The following ARFGEF1 variants were observed in gnomAD, a reference collection of about 807,000 sequenced individuals.
ARFGEF1 encodes brefeldin A-inhibited guanine nucleotide-exchange protein 1.
ARFGEF1 carries 42 observed loss-of-function variants against 231.0 expected under a neutral mutation model. The observed-to-expected ratio is 0.18, with a 90% CI of 0.14 to 0.24. ARFGEF1 has a LOEUF of 0.24. Ranked by LOEUF, ARFGEF1 falls within the 10% of genes least tolerant of loss-of-function variation. The probability of loss-of-function intolerance (pLI) is 1.00; values close to 1 mark genes in which losing one functional copy is unlikely to be tolerated. For missense variants in ARFGEF1, 1,345 were observed against 2,192.0 expected, an observed-to-expected ratio of 0.61 and a Z score of 7.72; for synonymous variants, 710 against 732.3, an observed-to-expected ratio of 0.97 and a Z score of 0.49.
At chr8:67,294,087 T>C (rs2128910918) in intron 5 of ARFGEF1, among the ~76,000 whole-genome samples, 1 of 152,290 alleles carries the variant, frequency 6.6e-6, no homozygotes, top group South Asian at 2.1e-4. Flanking sequence ...TTTTGGTCGT[T>C]ATTCCCTAAA....
chr8:67,226,673 C>T (rs1839384782), intron 27 of ARFGEF1, among the ~76,000 whole-genome samples: 1 of 152,032 alleles, frequency 6.6e-6, no homozygotes, highest in Admixed American at 6.6e-5. Flanking sequence ...ATAGGCTTAA[C>T]TTATAATCTT....
intron 37 of ARFGEF1, 71 bp downstream of exon 37, chr8:67,201,396 G>C: frequency 6.5e-7 from 1 of 1,528,160 alleles, no homozygotes; most frequent in Non-Finnish European, 8.8e-7. Context: ...GCATGGTCCC[G>C]CCGGTGCCTC....
chr8:67,285,405 T>C (rs1207635626), intron 7 of ARFGEF1, among the ~76,000 whole-genome samples: 2 of 152,082 alleles, frequency 1.3e-5, no homozygotes, highest in East Asian at 1.9e-4. Flanking sequence ...TAGACTCAGA[T>C]ACTCAGGAGA....
chr8:67,267,827 C>T (rs759694271), intron 10 of ARFGEF1, among the ~76,000 whole-genome samples: 5 of 152,074 alleles, frequency 3.3e-5, no homozygotes, highest in South Asian at 4.1e-4. Flanking sequence ...TTTTCAGAGA[C>T]GTTCTAGTAC....
At chr8:67,226,266 T>G in intron 27 of ARFGEF1, 83 bp from the exon 28 acceptor site, 1 of 1,207,092 alleles carries the variant, frequency 8.3e-7, no homozygotes, top group Non-Finnish European at 1.1e-6. Flanking sequence ...CTAGATGTAA[T>G]GCACTTCCTC....
chr8:67,267,127 T>C lies in ARFGEF1; in HGVS notation c.1776A>G (p.Gly592=). The change falls in exon 12 of 39, where the codon GGA becomes GGG. Residue 592 remains glycine (G), a synonymous_variant. Transcript: ENST00000262215. The stretch of plus-strand genomic sequence containing the variant: ...TCATACCAAGTTCTTGACTGCCCCT[T>C]CCTTGAGCAATTTTTGATAGATCAT... ...LVNDLSKIAQ[G]RGSQELGMSN... 6.2e-7 allele frequency: 1 copy of C among 1,613,300 alleles called. No homozygotes were observed. The highest frequency in any genetic ancestry group is 8.5e-7 in the Non-Finnish European group (1 of 1,179,742).
intron 8 of ARFGEF1, 63 bp from the exon 9 acceptor site, chr8:67,276,172 C>T (rs1805304318): frequency 3.8e-6 from 6 of 1,561,048 alleles, no homozygotes; most frequent in Non-Finnish European, 5.3e-6. Context: ...TCGCTTCAGC[C>T]TTCTACTGTA....
intron 1 of ARFGEF1, among the ~76,000 whole-genome samples, chr8:67,321,822 G>C (rs1188798260): frequency 2.0e-5 from 3 of 152,050 alleles, no homozygotes; most frequent in African/African-American, 4.8e-5. Flanking sequence ...TTTAACTTTA[G>C]GTCAGGGCTT....
chr8:67,209,318 A>G (rs1838637999), intron 34 of ARFGEF1, among the ~76,000 whole-genome samples: 1 of 152,256 alleles, frequency 6.6e-6, no homozygotes, highest in Admixed American at 6.5e-5. Flanking sequence ...GTGAGAGAAG[A>G]CAGACACAAA....
intron 22 of ARFGEF1, among the ~76,000 whole-genome samples, chr8:67,236,365 A>AAAAAATAT (rs1554638966): frequency 6.9e-5 from 2 of 29,062 alleles, no homozygotes; most frequent in Non-Finnish European, 1.2e-4. Context: ...AAAAAAAAAA[A>AAAAAATAT]ATATATATAT....
In ARFGEF1 at chr8:67,343,601, C is replaced by T; in HGVS notation, c.-314G>A. 3.8e-6 allele frequency: 4 copies of T among 1,052,726 alleles called. No homozygotes were observed. The highest frequency in any genetic ancestry group is 3.4e-6 in the Non-Finnish European group (3 of 874,238). 65.2% of individuals were successfully genotyped at this position (1,052,726 alleles called of 1,614,324 possible). ...TCACTCGTCCCTCCGGCCCTGGTGG[C>T]GGTGAGGGAGCCCGGCCCGGGCGGC... On this transcript the variant is annotated 5_prime_UTR_variant, in exon 1 of 39. Coordinates refer to ENST00000262215, the MANE Select transcript of ARFGEF1 (RefSeq NM_006421.5).
rs1242748363 is a variant in ARFGEF1 at position 67,227,281 on chromosome 8, G to A, written c.3772C>T (p.Arg1258Trp). ...RSPTIRDMVV[R>W]CIAQMVNSQA... Reference sequence around the variant, plus strand: ...GAATTAACCATCTGTGCTATACACCGTACAACCATATCTCGAATTGTTGGA... The same window carrying A: ...GAATTAACCATCTGTGCTATACACCATACAACCATATCTCGAATTGTTGGA... The change falls in exon 27 of 39, where the codon CGG becomes TGG. Residue 1258 changes from arginine to tryptophan, a missense_variant. This residue lies in a region of ARFGEF1 where 142 missense variants were observed against 227.3 expected (regional missense o/e 0.62). Transcript: ENST00000262215. 3.1e-6 allele frequency: 5 copies of A among 1,612,310 alleles called. No individual in the cohort carries two copies. The highest frequency in any genetic ancestry group is 1.1e-5 in the South Asian group (1 of 90,928).
intron 1 of ARFGEF1, among the ~76,000 whole-genome samples, chr8:67,331,121 T>TA (rs1320822321): frequency 6.6e-6 from 1 of 152,042 alleles, no homozygotes; most frequent in Non-Finnish European, 1.5e-5. Context: ...CCACATTAAG[T>TA]ACTATACTAA....
At chr8:67,219,697 T>A in intron 29 of ARFGEF1, 137 bp from the exon 30 acceptor site, 1 of 870,334 alleles carries the variant, frequency 1.1e-6, no homozygotes, top group Non-Finnish European at 1.6e-6. Flanking sequence ...CACTGGGTTT[T>A]AAAAAATTTA....
chr8:67,235,084 A>ATATG (rs1554638746), intron 22 of ARFGEF1, among the ~76,000 whole-genome samples: 1 of 121,964 alleles, frequency 8.2e-6, no homozygotes, highest in Non-Finnish European at 1.6e-5. Context: ...ATATATATAT[A>ATATG]TGTGTGTGTG....
chr8:67,195,081 T>C (rs1301262976), downstream of ARFGEF1, among the ~76,000 whole-genome samples: 1 of 152,222 alleles, frequency 6.6e-6, no homozygotes, highest in Non-Finnish European at 1.5e-5. Context: ...CTGTTGACTT[T>C]GTTTTATGGA....
chr8:67,335,445 A>G (rs1269975372), intron 1 of ARFGEF1, among the ~76,000 whole-genome samples: 1 of 152,068 alleles, frequency 6.6e-6, no homozygotes, highest in Non-Finnish European at 1.5e-5. Flanking sequence ...TACACTTTTG[A>G]AAATGATTTG....
chr8:67,256,612 T>C (rs754357736), intron 17 of ARFGEF1, among the ~76,000 whole-genome samples: 1 of 152,190 alleles, frequency 6.6e-6, no homozygotes, highest in African/African-American at 2.4e-5. Context: ...TATCATCAGA[T>C]ACCTACCCCT....
At chr8:67,184,858 G>A (rs903260602) in intron 5 of ARFGEF1, among the ~76,000 whole-genome samples, 10 of 149,658 alleles carry the variant, frequency 6.7e-5, no homozygotes, top group African/African-American at 2.4e-4. Flanking sequence ...CCAGCACTTT[G>A]GGAGGCCGAG....
Sources: gnomAD v4.1 joint callset for allele counts (sites outside exome capture counted in the v4.1 genomes callset) on GRCh38, gnomAD v4.1.1 for gene constraint, gnomAD v4.1.1 regional missense constraint, MANE v1.5 for transcripts, NCBI Gene and HGNC (gene_info 2026-07-23, HGNC 2026-07-21) for gene names.